ARHGAP23: variants seen among roughly 807,000 people sequenced by gnomAD.
The protein encoded by ARHGAP23 is rho GTPase-activating protein 23.
In ARHGAP23, 34 loss-of-function variants were observed where a neutral mutation model predicts 136.3. The observed-to-expected ratio is 0.25, with a 90% CI of 0.19 to 0.33. The LOEUF is 0.33. ARHGAP23 is among the 10% of genes least tolerant of loss of function. ARHGAP23 has a pLI of 1.00. For missense variants in ARHGAP23, 1,808 were observed against 2,139.0 expected, an observed-to-expected ratio of 0.85 and a Z score of 3.05; for synonymous variants, 832 against 920.5, an observed-to-expected ratio of 0.90 and a Z score of 1.74.
chr17:38,464,718 C>G lies in ARHGAP23; in HGVS notation c.483+1336C>G, dbSNP rs535234658. On this transcript the variant is annotated intron_variant, in intron 6 of 23. Coordinates refer to ENST00000622683, the MANE Select transcript of ARHGAP23 (RefSeq NM_001199417.2). ...GACCCTAGGGTGTCCCCCACTCTCT[C>G]CAGTTGGCAGGGGCAAGGAGTGGGA... is the stretch of plus-strand genomic sequence containing the variant. Among the ~76,000 whole-genome samples, 4 of 152,296 alleles carry G rather than the reference C, an allele frequency of 2.6e-5. No individual in the cohort carries two copies. In the East Asian group the frequency reaches 7.7e-4, roughly 29 times the overall value.
intron 10 of ARHGAP23, among the ~76,000 whole-genome samples, chr17:38,471,644 C>T (rs1037900465): frequency 2.0e-5 from 3 of 152,228 alleles, no homozygotes; most frequent in African/African-American, 7.2e-5. Flanking sequence ...GCTGACAGGT[C>T]GTAGCCTTTC....
intron 2 of ARHGAP23, among the ~76,000 whole-genome samples, chr17:38,458,647 G>A (rs1046542795): frequency 5.3e-5 from 8 of 152,256 alleles, no homozygotes; most frequent in Non-Finnish European, 2.9e-5. Context: ...CTGATCTACC[G>A]GCTGCTTCTG....
At chr17:38,440,527 T>G (rs1443692295) in intron 1 of ARHGAP23, among the ~76,000 whole-genome samples, 1 of 152,178 alleles carries the variant, frequency 6.6e-6, no homozygotes, top group Non-Finnish European at 1.5e-5. Flanking sequence ...AGACTGAGGC[T>G]TGGAGAGGGA....
intron 17 of ARHGAP23, among the ~76,000 whole-genome samples, chr17:38,488,994 G>C (rs1394878184): frequency 2.0e-5 from 3 of 151,992 alleles, no homozygotes. Context: ...TCCTGTCTCA[G>C]CCTCCCAAGT....
At chr17:38,420,704 G>A (rs572243144) in intron 1 of ARHGAP23, among the ~76,000 whole-genome samples, 57 of 152,314 alleles carry the variant, frequency 3.7e-4, no homozygotes, top group African/African-American at 1.2e-3. Flanking sequence ...AGTCTGGGGC[G>A]GGGCTGTGGC....
At chr17:38,439,107 G>A (rs1274702982) in intron 1 of ARHGAP23, among the ~76,000 whole-genome samples, 2 of 151,902 alleles carry the variant, frequency 1.3e-5, no homozygotes, top group African/African-American at 4.8e-5. Context: ...AACCCGGGAG[G>A]TGGAGGTTGC....
At position 38,511,245 on chromosome 17, in the gene ARHGAP23, G is replaced by T. The variant is rs559547801; in HGVS notation, c.*273G>T. ...GGGGTCTGTGTCCCTGCACACATGC[G>T]CCCGATAGGTCCTTCTGAGCCTTTC... On this transcript the variant is annotated 3_prime_UTR_variant, in exon 24 of 24. Transcript: ENST00000622683. The T allele has an allele frequency of 4.9e-6, 2 of 406,970 alleles. No individual in the cohort carries two copies. The highest frequency in any genetic ancestry group is 1.5e-4 in the South Asian group (2 of 13,730). 25.2% of individuals were successfully genotyped at this position (406,970 alleles called of 1,614,324 possible).
intron 11 of ARHGAP23, among the ~76,000 whole-genome samples, chr17:38,476,302 G>A (rs2039890188): frequency 6.6e-6 from 1 of 152,194 alleles, no homozygotes; most frequent in Non-Finnish European, 1.5e-5. Flanking sequence ...GTGGTGGCAG[G>A]AAAGACAGAG....
intron 1 of ARHGAP23, among the ~76,000 whole-genome samples, chr17:38,431,439 C>T (rs950629849): frequency 6.6e-6 from 1 of 152,164 alleles, no homozygotes; most frequent in African/African-American, 2.4e-5. Flanking sequence ...CTCTCACCAT[C>T]TCGGGAGAGA....
chr17:38,437,814 T>G, intron 1 of ARHGAP23, among the ~76,000 whole-genome samples: 1 of 150,752 alleles, frequency 6.6e-6, no homozygotes, highest in Non-Finnish European at 1.5e-5. Flanking sequence ...AGGGCAGATG[T>G]AATGGGTGGT....
At chr17:38,437,795 A>AGGG (rs66692693) in intron 1 of ARHGAP23, among the ~76,000 whole-genome samples, 2 of 147,416 alleles carry the variant, frequency 1.4e-5, no homozygotes, top group African/African-American at 5.2e-5. Context: ...GGCATAACGA[A>AGGG]GGGGGGGGAG....
intron 23 of ARHGAP23, among the ~76,000 whole-genome samples, chr17:38,502,372 C>A: frequency 6.6e-6 from 1 of 152,332 alleles, no homozygotes; most frequent in African/African-American, 2.4e-5. Flanking sequence ...CCAGCATTAC[C>A]CTGATACCAA....
At chr17:38,493,099 T>C (rs561134202) in intron 20 of ARHGAP23, among the ~76,000 whole-genome samples, 7 of 152,376 alleles carry the variant, frequency 4.6e-5, no homozygotes, top group Admixed American at 2.0e-4. Context: ...ACACAGTGGC[T>C]ACTCAGTGTT....
chr17:38,469,437 C>T, intron 8 of ARHGAP23, 87 bp from the exon 9 acceptor site: 2 of 1,465,192 alleles, frequency 1.4e-6, no homozygotes, highest in East Asian at 2.5e-5. Context: ...AGAGTCACCT[C>T]CTGCCCCTGC....
At chr17:38,495,906 AT>A (rs58922479) in intron 20 of ARHGAP23, among the ~76,000 whole-genome samples, 39,578 of 151,508 alleles carry the variant, frequency 0.26, 6,561 homozygotes, top group Admixed American at 0.46. Context: ...TTATTCATTT[AT>A]TTTTTTTGAG....
In ARHGAP23 at chr17:38,483,917, G is replaced by A. The variant is rs529376286; in HGVS notation, c.2907+1239G>A. Among the ~76,000 whole-genome samples, 141 of 152,286 alleles carry A rather than the reference G, an allele frequency of 9.3e-4. 1 individual carries two copies. Among genetic ancestry groups the A allele is most frequent in the African/African-American group, 3.4e-3 (141 of 41,560 alleles). The stretch of plus-strand genomic sequence containing the variant: ...GGCTTGAGGGTTAGGACAGAGAGTG[G>A]ATCTACCTCCTGGGCTTGGAGGTGG... On this transcript the variant is annotated intron_variant, in intron 16 of 23. Coordinates refer to ENST00000622683, the MANE Select transcript of ARHGAP23 (RefSeq NM_001199417.2).
chr17:38,507,276 A>AAATAATAATAAAATAAT (rs1555599769), intron 23 of ARHGAP23, among the ~76,000 whole-genome samples: 1 of 136,670 alleles, frequency 7.3e-6, no homozygotes. Flanking sequence ...CTCCGTCTCA[A>AAATAATAATAAAATAAT]AATAATAATA....
chr17:38,485,761 G>T lies in ARHGAP23; in HGVS notation c.2908-301G>T, dbSNP rs1348165259. Among the ~76,000 whole-genome samples the T allele has an allele frequency of 3.3e-5, 5 of 152,338 alleles. No individual in the cohort carries two copies. In the East Asian group the frequency reaches 7.7e-4, roughly 24 times the overall value. ...GTCACGGATGCTTAAACTGTGCCCA[G>T]TGGAGGCAGCAGCTGCCACTCACTG... On this transcript the variant is annotated intron_variant, in intron 16 of 23. Transcript: ENST00000622683.
intron 1 of ARHGAP23, among the ~76,000 whole-genome samples, chr17:38,457,075 A>G (rs1035004196): frequency 2.6e-5 from 4 of 152,156 alleles, no homozygotes; most frequent in Admixed American, 2.6e-4. Flanking sequence ...ATGCCCGGCT[A>G]ATTTTTGTAT....
Sources: allele counts gnomAD v4.1 joint callset (sites outside exome capture counted in the v4.1 genomes callset), GRCh38; gene constraint gnomAD v4.1.1; transcripts MANE v1.5; gene names NCBI Gene and HGNC (gene_info 2026-07-23, HGNC 2026-07-21).